The following IGF1R variants were observed in gnomAD, a reference collection of about 807,000 sequenced individuals.
IGF1R encodes the protein insulin-like growth factor 1 receptor.
A neutral mutation model predicts 144.6 loss-of-function variants in IGF1R; 44 were observed. The observed-to-expected ratio is 0.30, with a 90% CI of 0.24 to 0.39. The LOEUF (loss-of-function observed/expected upper bound fraction) is 0.39, where lower values mean the gene tolerates loss of function less well. Ranked by LOEUF, IGF1R falls within the 10% of genes least tolerant of loss-of-function variation. The probability of loss-of-function intolerance (pLI) is 1.00; values close to 1 mark genes in which losing one functional copy is unlikely to be tolerated. For missense variants in IGF1R, 1,355 were observed against 1,833.7 expected (o/e 0.74, Z 4.77); for synonymous variants, 795 against 722.8 (o/e 1.10, Z -1.60).
chr15:98,789,081 C>G (rs1359577900), intron 2 of IGF1R, among the ~76,000 whole-genome samples: 1 of 152,134 alleles, frequency 6.6e-6, no homozygotes, highest in Non-Finnish European at 1.5e-5. Flanking sequence ...TTTACTTGTT[C>G]CAGCTCACTT....
chr15:98,676,349 G>A (rs1178827875), intron 1 of IGF1R, among the ~76,000 whole-genome samples: 1 of 151,898 alleles, frequency 6.6e-6, no homozygotes, highest in Non-Finnish European at 1.5e-5. Context: ...TGTTGGCCAG[G>A]CTGGTCTTGA....
At chr15:98,748,603 GAA>G (rs2054927892) in intron 2 of IGF1R, among the ~76,000 whole-genome samples, 1 of 152,182 alleles carries the variant, frequency 6.6e-6, no homozygotes, top group African/African-American at 2.4e-5. Context: ...TGGAAAATTG[GAA>G]AACTGTAGGA....
intron 1 of IGF1R, among the ~76,000 whole-genome samples, chr15:98,675,129 C>G (rs1054525929): frequency 4.6e-5 from 7 of 151,914 alleles, no homozygotes; most frequent in Admixed American, 2.0e-4. Flanking sequence ...TTTGGGACTA[C>G]AAGTGCATGC....
At chr15:98,685,837 G>C (rs2053314029) in intron 1 of IGF1R, among the ~76,000 whole-genome samples, 1 of 152,246 alleles carries the variant, frequency 6.6e-6, no homozygotes, top group Non-Finnish European at 1.5e-5. Context: ...TGGTGTGGCA[G>C]CTGTCAGTGT....
chr15:98,813,495 G>A (rs939244425), intron 2 of IGF1R, among the ~76,000 whole-genome samples: 2 of 152,094 alleles, frequency 1.3e-5, no homozygotes, highest in African/African-American at 2.4e-5. Context: ...CCACAATAAA[G>A]GCTCTCCTCC....
intron 2 of IGF1R, among the ~76,000 whole-genome samples, chr15:98,709,236 G>T (rs1283645955): frequency 6.6e-6 from 1 of 152,246 alleles, no homozygotes; most frequent in African/African-American, 2.4e-5. Context: ...CCCCACAGGG[G>T]TGAAGTGTGT....
Position 98,922,913 on chromosome 15 carries a change from G to A in IGF1R, c.2485+482G>A, listed in dbSNP as rs527377831. ...TTTCCCTTGTTGTTAGACACTGCCT[G>A]TCACTCGGGCATTCATCCATCTTTG... is the stretch of plus-strand genomic sequence containing the variant. On this transcript the variant is annotated intron_variant, in intron 11 of 20. Coordinates refer to ENST00000650285, the MANE Select transcript of IGF1R (RefSeq NM_000875.5). Among the ~76,000 whole-genome samples the A allele has an allele frequency of 2.0e-5, 3 of 152,316 alleles. No homozygotes were observed. The East Asian group carries it at 5.8e-4, about 29-fold the overall frequency.
At chr15:98,882,080 G>A (rs2013412512) in intron 2 of IGF1R, among the ~76,000 whole-genome samples, 1 of 152,246 alleles carries the variant, frequency 6.6e-6, no homozygotes, top group Non-Finnish European at 1.5e-5. Flanking sequence ...GAAACGGCAA[G>A]CAAGCTGCTT....
At chr15:98,650,927 C>T (rs916610869) in intron 1 of IGF1R, 2 of 984,988 alleles carry the variant, frequency 2.0e-6, no homozygotes, top group African/African-American at 1.7e-5. Context: ...CGAGAACTCC[C>T]CCCGGTGTCT....
intron 2 of IGF1R, among the ~76,000 whole-genome samples, chr15:98,736,482 C>T (rs1348284314): frequency 4.6e-5 from 7 of 152,044 alleles, no homozygotes; most frequent in African/African-American, 1.7e-4. Context: ...TAGATGCTGT[C>T]TGTTTACAGG....
At chr15:98,676,883 C>T (rs2053059147) in intron 1 of IGF1R, among the ~76,000 whole-genome samples, 1 of 151,958 alleles carries the variant, frequency 6.6e-6, no homozygotes, top group Non-Finnish European at 1.5e-5. Context: ...TAGAAGGAAT[C>T]TTTATTCCCC....
At chr15:98,736,877 G>A (rs1366138847) in intron 2 of IGF1R, among the ~76,000 whole-genome samples, 3 of 152,086 alleles carry the variant, frequency 2.0e-5, no homozygotes, top group Non-Finnish European at 4.4e-5. Flanking sequence ...CTCCCAAAGT[G>A]CTAGGATTAC....
At position 98,792,729 on chromosome 15, in the gene IGF1R, C is replaced by G. The variant is rs143246436; in HGVS notation, c.640+84622C>G. Among the ~76,000 whole-genome samples the G allele has an allele frequency of 3.5e-3, 539 of 152,282 alleles. 4 individuals carry two copies. Among genetic ancestry groups the G allele is most frequent in the African/African-American group, 0.011 (466 of 41,560 alleles). ...ACTTCTCTTACTTATTGGCTGCTTC[C>G]TTGAACTTAGCGTTTTTCTTTTGGA... On this transcript the variant is annotated intron_variant, in intron 2 of 20. Coordinates refer to ENST00000650285, the MANE Select transcript of IGF1R (RefSeq NM_000875.5).
At chr15:98,747,776 G>A (rs1379481557) in intron 2 of IGF1R, among the ~76,000 whole-genome samples, 1 of 152,208 alleles carries the variant, frequency 6.6e-6, no homozygotes, top group Non-Finnish European at 1.5e-5. Flanking sequence ...TCAAGAGCTA[G>A]AGAGAGATGA....
rs903615619 is a variant in IGF1R at position 98,913,363 on chromosome 15, G to C, written c.1828+81G>C. On this transcript the variant is annotated intron_variant, in intron 8 of 20. Transcript: ENST00000650285. ...CTTGCTTGTACCAGGTGTCATTGTAGGGTTAGCAGTGAGCTATGCCTGTTG... is the reference window on the plus strand; with the variant it reads ...CTTGCTTGTACCAGGTGTCATTGTACGGTTAGCAGTGAGCTATGCCTGTTG... 11 of 1,080,296 alleles carry C rather than the reference G, an allele frequency of 1.0e-5. No homozygotes were observed. The African/African-American group carries it at 1.7e-4, about 17-fold the overall frequency. The allele number at this position is 1,080,296 out of a possible 1,614,324, so 66.9% of individuals were successfully genotyped here.
At chr15:98,817,464 G>T (rs995773891) in intron 2 of IGF1R, among the ~76,000 whole-genome samples, 1 of 152,018 alleles carries the variant, frequency 6.6e-6, no homozygotes, top group Non-Finnish European at 1.5e-5. Context: ...CTGGGTTGGG[G>T]GCCAGGTGTG....
Position 98,668,484 on chromosome 15 carries a change from C to T in IGF1R, c.94+18809C>T, listed in dbSNP as rs140195694. ...TCTTCAGGATGGCGCTGAGCACATT[C>T]GCCTCTGTAACCAAATGCCTGAAAT... On this transcript the variant is annotated intron_variant, in intron 1 of 20. Coordinates refer to ENST00000650285, the MANE Select transcript of IGF1R (RefSeq NM_000875.5). Among the ~76,000 whole-genome samples, 255 of 152,306 alleles carry T rather than the reference C, an allele frequency of 1.7e-3. 2 individuals carry two copies. Among genetic ancestry groups the T allele is most frequent in the Non-Finnish European group, 4.6e-4 (31 of 68,036 alleles).
chr15:98,709,986 C>T (rs188909533), intron 2 of IGF1R, among the ~76,000 whole-genome samples: 33 of 152,182 alleles, frequency 2.2e-4, no homozygotes, highest in Non-Finnish European at 3.4e-4. Flanking sequence ...CTAAGAGTGG[C>T]GACTAGAAAT....
chr15:98,788,716 C>A (rs901233783), intron 2 of IGF1R, among the ~76,000 whole-genome samples: 1 of 152,234 alleles, frequency 6.6e-6, no homozygotes, highest in Non-Finnish European at 1.5e-5. Flanking sequence ...TGAGGCCTGT[C>A]CTAATCCCTG....
Sources: allele counts gnomAD v4.1 joint callset (sites outside exome capture counted in the v4.1 genomes callset), GRCh38; gene constraint gnomAD v4.1.1; transcripts MANE v1.5; gene names NCBI Gene and HGNC (gene_info 2026-07-23, HGNC 2026-07-21).